Variants in HADHB observed in about 807,000 individuals in gnomAD.
HADHB encodes trifunctional enzyme subunit beta, mitochondrial.
In HADHB, 50 loss-of-function variants were observed where a neutral mutation model predicts 61.9. That is an observed-to-expected ratio of 0.81 (90% CI 0.64 to 1.02). The LOEUF is 1.02. Ranked by LOEUF, HADHB falls within the 50% of genes least tolerant of loss-of-function variation. The pLI is 0.00. For synonymous variants in HADHB, 191 were observed against 201.6 expected, an observed-to-expected ratio of 0.95 and a Z score of 0.45; for missense variants, 504 against 586.5, an observed-to-expected ratio of 0.86 and a Z score of 1.45.
At position 26,278,775 on chromosome 2, in the gene HADHB, T is replaced by C; in HGVS notation, c.604T>C (p.Phe202Leu). ...MGQRLSLISK[F>L]RFNFLAPELP... ...CCAGCGACTGTCTTTAATCTCTAAA[T>C]TCCGATTTAATTTCCTAGCACCTGA... Residue 202 changes from phenylalanine (F) to leucine (L), a missense_variant, in exon 8 of 16, where the codon TTC becomes CTC. Transcript: ENST00000317799. The C allele has an allele frequency of 6.2e-7, 1 of 1,614,140 alleles. No homozygotes were observed. The highest frequency in any genetic ancestry group is 8.5e-7 in the Non-Finnish European group (1 of 1,179,988).
chr2:26,268,496 AACATCACTGGTAGTAAGTC>A (rs769752864), intron 4 of HADHB, among the ~76,000 whole-genome samples: 9 of 152,232 alleles, frequency 5.9e-5, no homozygotes, highest in Non-Finnish European at 1.2e-4. Context: ...TCATCACTTT[AACATCACTGGTAGTAAGTC>A]ATGTTGATAT....
Position 26,263,298 on chromosome 2 carries a change from T to TAA in HADHB, c.110-66_110-65dup, listed in dbSNP as rs75496350. On this transcript the variant is annotated intron_variant, in intron 3 of 15. Transcript: ENST00000317799. Reference sequence around the variant, plus strand: ...TGGGTGACAGAGCGAGACTCCATCTTAAAAAAAAAAAAAAAAAGTAAAAGT... The same window carrying TAA: ...TGGGTGACAGAGCGAGACTCCATCTTAAAAAAAAAAAAAAAAAAAGTAAAAGT... 3.9e-3 allele frequency: 2,724 copies of TAA among 697,226 alleles called. 1 individual carries two copies. The highest frequency in any genetic ancestry group is 4.5e-3 in the African/African-American group (228 of 50,290). 43.2% of individuals were successfully genotyped at this position (697,226 alleles called of 1,614,324 possible). A position where few individuals can be genotyped will look rare whatever the true frequency, so the allele number is the denominator to read the frequency against.
Position 26,279,900 on chromosome 2 carries a change from C to A in HADHB, c.812-94C>A. Reference sequence around the variant, plus strand: ...TAGTGAATAGGTAAGGTTTATATTTCATTTGTTTTTGTAATTTTTAAAGCA... The same window carrying A: ...TAGTGAATAGGTAAGGTTTATATTTAATTTGTTTTTGTAATTTTTAAAGCA... On this transcript the variant is annotated intron_variant, in intron 9 of 15. Transcript: ENST00000317799. The A allele has an allele frequency of 4.3e-6, 4 of 923,468 alleles. No homozygotes were observed. The East Asian group carries it at 7.5e-5, about 17-fold the overall frequency. The allele number at this position is 923,468 out of a possible 1,614,324, so 57.2% of individuals were successfully genotyped here. A position where few individuals can be genotyped will look rare whatever the true frequency, so the allele number is the denominator to read the frequency against.
At position 26,289,904 on chromosome 2, in the gene HADHB, T is replaced by G. The variant is rs778318993; in HGVS notation, c.1390-14T>G. 16 of 1,591,606 alleles carry G rather than the reference T, an allele frequency of 1.0e-5. No homozygotes were observed. In the South Asian group the frequency reaches 1.4e-4, roughly 14 times the overall value. Reference sequence around the variant, plus strand: ...ACCATTCATTGCTCTAATTGGACTTTGTTTTCTTTACAGGGCCATGCTATG... The same window carrying G: ...ACCATTCATTGCTCTAATTGGACTTGGTTTTCTTTACAGGGCCATGCTATG... On this transcript the variant is annotated splice_polypyrimidine_tract_variant and intron_variant, in intron 15 of 15. Coordinates refer to ENST00000317799, the MANE Select transcript of HADHB (RefSeq NM_000183.3).
intron 5 of HADHB, among the ~76,000 whole-genome samples, chr2:26,270,834 A>T (rs1201889805): frequency 1.4e-5 from 2 of 146,062 alleles, no homozygotes; most frequent in African/African-American, 5.0e-5. Flanking sequence ...ATATGCCTTT[A>T]TGATTTTTCT....
At position 26,256,406 on chromosome 2, in the gene HADHB, A is replaced by G. The variant is rs570287879; in HGVS notation, c.109+1932A>G. On this transcript the variant is annotated intron_variant, in intron 3 of 15. Transcript: ENST00000317799. The stretch of plus-strand genomic sequence containing the variant: ...GAGCTGTTAGGATGAAGGAATTAAA[A>G]TAGAGGGGTACAGAATTTATGGATG... 2.6e-5 allele frequency among the ~76,000 whole-genome samples: 4 copies of G among 152,284 alleles called. No homozygotes were observed. In the East Asian group the frequency reaches 5.8e-4, roughly 22 times the overall value.
intron 15 of HADHB, among the ~76,000 whole-genome samples, chr2:26,287,845 G>A (rs993136187): frequency 1.3e-5 from 2 of 152,174 alleles, no homozygotes; most frequent in African/African-American, 4.8e-5. Flanking sequence ...GATAGCAGTA[G>A]CAACAAGCTC....
chr2:26,254,292 C>A lies in HADHB; in HGVS notation c.38C>A (p.Thr13Asn). 6.5e-7 allele frequency: 1 copy of A among 1,539,764 alleles called. No individual in the cohort carries two copies. Among genetic ancestry groups the A allele is most frequent in the Non-Finnish European group, 9.0e-7 (1 of 1,112,402 alleles). ...ILTYPFKNLP[T>N]ASKWALRFSI... ...ACTTACCCCTTTAAAAATCTTCCCA[C>A]TGCATCAAAATGGGCCCTCAGATTT... Residue 13 changes from threonine to asparagine, a missense_variant, in exon 2 of 16, where the codon ACT (threonine) becomes AAT (asparagine). Thr to Asn is a moderately conservative substitution (Grantham distance 65). Transcript: ENST00000317799.
intron 6 of HADHB, among the ~76,000 whole-genome samples, chr2:26,275,167 C>G (rs1344206663): frequency 6.6e-6 from 1 of 152,156 alleles, no homozygotes; most frequent in East Asian, 1.9e-4. Context: ...AACCTAAAAG[C>G]TAACATAATT....
rs1672663634 is a variant in HADHB at position 26,278,811 on chromosome 2, G to A, written c.630+10G>A. 3.7e-6 allele frequency: 6 copies of A among 1,609,880 alleles called. No homozygotes were observed. In the South Asian group the frequency reaches 6.6e-5, roughly 18 times the overall value. On this transcript the variant is annotated intron_variant, in intron 8 of 15. Coordinates refer to ENST00000317799, the MANE Select transcript of HADHB (RefSeq NM_000183.3). ...TTTCCTAGCACCTGAGGTAAGGCTTGTGTTTGCAGGGCATCCCACTGCAGA... is the reference window on the plus strand; with the variant it reads ...TTTCCTAGCACCTGAGGTAAGGCTTATGTTTGCAGGGCATCCCACTGCAGA...
At chr2:26,277,231 T>TA in intron 7 of HADHB, 71 bp downstream of exon 7, 23 of 681,466 alleles carry the variant, frequency 3.4e-5, no homozygotes, top group Non-Finnish European at 4.7e-5. Flanking sequence ...TATAAAAATG[T>TA]ACTTTTTTTT....
intron 4 of HADHB, among the ~76,000 whole-genome samples, chr2:26,268,121 G>C (rs1301043923): frequency 3.3e-5 from 5 of 151,940 alleles, no homozygotes; most frequent in Non-Finnish European, 7.4e-5. Context: ...CAGTCTGAGT[G>C]ACAGAGTGAG....
intron 4 of HADHB, among the ~76,000 whole-genome samples, chr2:26,268,125 G>C (rs896218583): frequency 1.3e-5 from 2 of 152,140 alleles, no homozygotes; most frequent in African/African-American, 4.8e-5. Context: ...CTGAGTGACA[G>C]AGTGAGACCC....
At chr2:26,261,062 T>C (rs1183361550) in intron 3 of HADHB, 13 of 1,403,510 alleles carry the variant, frequency 9.3e-6, no homozygotes, top group South Asian at 1.2e-5. Flanking sequence ...GATGGATCAT[T>C]GGTGAGTCCA....
At chr2:26,266,871 C>CTAAAAAAAAAAAAAA (rs1672104507) in intron 4 of HADHB, among the ~76,000 whole-genome samples, 1 of 45,426 alleles carries the variant, frequency 2.2e-5, no homozygotes, top group Non-Finnish European at 3.8e-5. Flanking sequence ...CACTCTCTCT[C>CTAAAAAAAAAAAAAA]AAAAAAAAAA....
intron 1 of HADHB, among the ~76,000 whole-genome samples, chr2:26,248,212 A>G (rs913598541): frequency 3.9e-5 from 6 of 152,184 alleles, no homozygotes; most frequent in East Asian, 1.9e-4. Context: ...TTTCCATGTC[A>G]GTATATATAC....
chr2:26,285,619 G>T, intron 15 of HADHB, 48 bp downstream of exon 15: 2 of 1,353,416 alleles, frequency 1.5e-6, no homozygotes, highest in Non-Finnish European at 2.1e-6. Flanking sequence ...CATTTTCTTG[G>T]AATGACTAGA....
At chr2:26,253,775 C>A (rs1227130505) in intron 1 of HADHB, among the ~76,000 whole-genome samples, 2 of 151,488 alleles carry the variant, frequency 1.3e-5, no homozygotes, top group East Asian at 3.9e-4. Flanking sequence ...ATCGACTGAA[C>A]CTGGGAGGCA....
intron 1 of HADHB, among the ~76,000 whole-genome samples, chr2:26,253,869 TA>T (rs1558341603): frequency 1.9e-3 from 256 of 132,014 alleles, no homozygotes; most frequent in Middle Eastern, 4.0e-3. Flanking sequence ...AATAAATAAA[TA>T]AATAAATAAA....
Sources: allele counts gnomAD v4.1 joint callset (sites outside exome capture counted in the v4.1 genomes callset), GRCh38; gene constraint gnomAD v4.1.1; transcripts MANE v1.5; gene names NCBI Gene and HGNC (gene_info 2026-07-23, HGNC 2026-07-21).